MCAT: variants seen among roughly 807,000 people sequenced by gnomAD.
MCAT encodes the protein malonyl-CoA-acyl carrier protein transacylase, mitochondrial.
Under a neutral mutation model 22.9 loss-of-function variants are expected in MCAT, and 22 were observed. The observed-to-expected ratio is 0.96, with a 90% CI of 0.69 to 1.37. MCAT has a LOEUF of 1.37. Among genes scored for constraint, MCAT ranks in the 40% most tolerant of loss-of-function variants. The pLI is 0.00. For missense variants in MCAT, 534 were observed against 533.6 expected (o/e 1.00, Z -0.01); for synonymous variants, 240 against 233.9 (o/e 1.03, Z -0.24).
chr22:43,133,092 A>G lies in MCAT; in HGVS notation c.1124T>C (p.Leu375Pro), dbSNP rs371362281. ...AWKSYSAVDV[L>P]QTLEHVDLDP... ...CAGGTCCACATGTTCGAGGGTCTGC[A>G]GCACATCCACGGCGCTGTAGGACTT... Residue 375 changes from leucine (L) to proline (P), a missense_variant, in exon 4 of 4, where the codon CTG (leucine) becomes CCG (proline). Leu to Pro is a moderately conservative substitution (Grantham distance 98, BLOSUM62 -3). Coordinates refer to ENST00000290429, the MANE Select transcript of MCAT (RefSeq NM_173467.5). The G allele has an allele frequency of 7.4e-6, 12 of 1,614,066 alleles. No homozygotes were observed. In the African/African-American group the frequency reaches 8.0e-5, roughly 11 times the overall value.
Position 43,132,848 on chromosome 22 carries a change from G to A in MCAT, c.*195C>T. 1 of 590,766 alleles carries A rather than the reference G, an allele frequency of 1.7e-6. No homozygotes were observed. Among genetic ancestry groups the A allele is most frequent in the South Asian group, 2.1e-5 (1 of 47,294 alleles). The allele number at this position is 590,766 out of a possible 1,614,324, so 36.6% of individuals were successfully genotyped here. A position where few individuals can be genotyped will look rare whatever the true frequency, so the allele number is the denominator to read the frequency against. On this transcript the variant is annotated 3_prime_UTR_variant, in exon 4 of 4. Transcript: ENST00000290429. ...TCCCAACGTCCAAACGTTTTTCCAA[G>A]GGGGAGAAATGGACTGGGTCATGTA... is the stretch of plus-strand genomic sequence containing the variant.
chr22:43,133,013 A>G lies in MCAT; in HGVS notation c.*30T>C, dbSNP rs781480457. ...CTACAGCCTCTCCTCAGGAGGACAGAGGGGGTCATCGCATTTGAGCCCCCT... is the reference window on the plus strand; with the variant it reads ...CTACAGCCTCTCCTCAGGAGGACAGGGGGGGTCATCGCATTTGAGCCCCCT... On this transcript the variant is annotated 3_prime_UTR_variant, in exon 4 of 4. Coordinates refer to ENST00000290429, the MANE Select transcript of MCAT (RefSeq NM_173467.5). The G allele has an allele frequency of 2.1e-5, 33 of 1,598,986 alleles. No homozygotes were observed. Among genetic ancestry groups the G allele is most frequent in the Non-Finnish European group, 2.5e-5 (29 of 1,170,074 alleles).
rs1930631119 is a variant in MCAT, at chr22:43,137,004, T to TA, written c.729+76dup. 20 of 1,270,790 alleles carry TA rather than the reference T, an allele frequency of 1.6e-5. No individual in the cohort carries two copies. In the Admixed American group the frequency reaches 3.4e-4, roughly 22 times the overall value. 78.7% of individuals were successfully genotyped at this position (1,270,790 alleles called of 1,614,324 possible). On this transcript the variant is annotated intron_variant, in intron 3 of 3. Coordinates refer to ENST00000290429, the MANE Select transcript of MCAT (RefSeq NM_173467.5). Reference sequence around the variant, plus strand: ...CTGGACCCAGCACCCGCCAGACTGCTAGGCCTCACGGGTGTGGAGCAGTTC... The same window carrying TA: ...CTGGACCCAGCACCCGCCAGACTGCTAAGGCCTCACGGGTGTGGAGCAGTTC...
intron 3 of MCAT, among the ~76,000 whole-genome samples, chr22:43,134,686 C>T (rs1034492972): frequency 5.3e-5 from 8 of 152,156 alleles, no homozygotes; most frequent in African/African-American, 9.7e-5. Context: ...GGAGTGGGAC[C>T]GGTGCTTGTG....
At chr22:43,141,050 A>C (rs1425188423) in intron 2 of MCAT, 112 bp downstream of exon 2, 1 of 791,806 alleles carries the variant, frequency 1.3e-6, no homozygotes, top group Non-Finnish European at 2.2e-6. Flanking sequence ...ACCCCTGTCC[A>C]TGTGCTCCCT....
intron 2 of MCAT, among the ~76,000 whole-genome samples, chr22:43,139,580 CTTTT>C (rs55787888): frequency 7.0e-6 from 1 of 142,214 alleles, no homozygotes; most frequent in Non-Finnish European, 1.5e-5. Context: ...TAATTCTGCA[CTTTT>C]TTTTTTTTTT....
At chr22:43,139,346 C>T (rs151053442) in intron 2 of MCAT, among the ~76,000 whole-genome samples, 2 of 151,978 alleles carry the variant, frequency 1.3e-5, no homozygotes, top group South Asian at 2.1e-4. Flanking sequence ...GGCAACATAG[C>T]GAGACCCCAT....
In MCAT at chr22:43,133,424, C is replaced by A. The variant is rs150062783; in HGVS notation, c.792G>T (p.Pro264=). Residue 264 remains proline, a synonymous_variant, in exon 4 of 4, where the codon CCG becomes CCT. Coordinates refer to ENST00000290429, the MANE Select transcript of MCAT (RefSeq NM_173467.5). Reference sequence around the variant, plus strand: ...GGCGGGTGTGGAATGCGCCACTAACCGGCAACATCCTGGTGCGTCTGAAAT... The same window carrying A: ...GGCGGGTGTGGAATGCGCCACTAACAGGCAACATCCTGGTGCGTCTGAAAT... The part of the protein sequence containing the change: ...KFHFRRTRML[P]VSGAFHTRLM... 2.5e-6 allele frequency: 4 copies of A among 1,613,956 alleles called. No homozygotes were observed. The Admixed American group carries it at 6.7e-5, about 27-fold the overall frequency.
In MCAT at chr22:43,132,765, G is replaced by C; in HGVS notation, c.*278C>G. The C allele has an allele frequency of 2.2e-6, 1 of 457,062 alleles. No homozygotes were observed. Among genetic ancestry groups the C allele is most frequent in the Non-Finnish European group, 4.0e-6 (1 of 249,530 alleles). 28.3% of individuals were successfully genotyped at this position (457,062 alleles called of 1,614,324 possible). ...GCACACCTGCCTATGGTGCAGGGCTGGCAGAGGCGGGGCCAGGATTCTAGC... is the reference window on the plus strand; with the variant it reads ...GCACACCTGCCTATGGTGCAGGGCTCGCAGAGGCGGGGCCAGGATTCTAGC... On this transcript the variant is annotated 3_prime_UTR_variant, in exon 4 of 4. Coordinates refer to ENST00000290429, the MANE Select transcript of MCAT (RefSeq NM_173467.5).
intron 2 of MCAT, among the ~76,000 whole-genome samples, chr22:43,137,573 C>T (rs1296023322): frequency 6.6e-6 from 1 of 152,122 alleles, no homozygotes; most frequent in Non-Finnish European, 1.5e-5. Flanking sequence ...CTCAACAGGC[C>T]GGGGGCAGTG....
rs752686727 is a variant in MCAT, at chr22:43,142,909, G to T, written c.423+17C>A. Reference sequence around the variant, plus strand: ...GAGCTCACCTTCCCCCTCCTGTCACGGGGCCTCGGGCCTCACCGAGGGCTG... The same window carrying T: ...GAGCTCACCTTCCCCCTCCTGTCACTGGGCCTCGGGCCTCACCGAGGGCTG... On this transcript the variant is annotated intron_variant, in intron 1 of 3. Transcript: ENST00000290429. The T allele has an allele frequency of 6.6e-7, 1 of 1,506,480 alleles. No homozygotes were observed. Among genetic ancestry groups the T allele is most frequent in the Non-Finnish European group, 8.9e-7 (1 of 1,124,556 alleles). 93.3% of individuals were successfully genotyped at this position (1,506,480 alleles called of 1,614,324 possible).
At position 43,137,357 on chromosome 22, in the gene MCAT, A is replaced by G. The variant is rs1377826971; in HGVS notation, c.512-59T>C. On this transcript the variant is annotated intron_variant, in intron 2 of 3. Coordinates refer to ENST00000290429, the MANE Select transcript of MCAT (RefSeq NM_173467.5). ...GGCACAGAATGAAGGAGAAAAGGCC[A>G]GGCCTGAGAAACAAAGCCCAAGCTC... 4 of 1,413,626 alleles carry G rather than the reference A, an allele frequency of 2.8e-6. No individual in the cohort carries two copies. In the East Asian group the frequency reaches 9.4e-5, roughly 33 times the overall value. 87.6% of individuals were successfully genotyped at this position (1,413,626 alleles called of 1,614,324 possible).
At chr22:43,136,193 G>A (rs898909090) in intron 3 of MCAT, among the ~76,000 whole-genome samples, 5 of 152,182 alleles carry the variant, frequency 3.3e-5, no homozygotes, top group Non-Finnish European at 7.3e-5. Context: ...GCAGTGAGCC[G>A]TGATGGTGCC....
chr22:43,142,992 G>A lies in MCAT; in HGVS notation c.357C>T (p.His119=), dbSNP rs1204514968. ...GPQETLDRTV[H]CQPAIFVASL... The stretch of plus-strand genomic sequence containing the variant: ...ATGCCACGAAGATCGCGGGCTGACA[G>A]TGCACGGTGCGGTCCAGGGTCTCCT... The change falls in exon 1 of 4, where the codon CAC becomes CAT. Residue 119 remains histidine, a synonymous_variant. Coordinates refer to ENST00000290429, the MANE Select transcript of MCAT (RefSeq NM_173467.5). 12 of 1,605,160 alleles carry A rather than the reference G, an allele frequency of 7.5e-6. No individual in the cohort carries two copies. The highest frequency in any genetic ancestry group is 1.3e-5 in the African/African-American group (1 of 74,384).
chr22:43,134,241 C>G (rs1348554501), intron 3 of MCAT, among the ~76,000 whole-genome samples: 1 of 152,176 alleles, frequency 6.6e-6, no homozygotes, highest in Non-Finnish European at 1.5e-5. Context: ...GAGCTCTCCT[C>G]TTGATGCCAA....
intron 1 of MCAT, 21 bp downstream of exon 1, chr22:43,142,905 T>A (rs766989520): frequency 6.7e-7 from 1 of 1,498,998 alleles, no homozygotes; most frequent in Non-Finnish European, 8.9e-7. Flanking sequence ...CCCCCTCCTG[T>A]CACGGGGCCT....
chr22:43,133,633 C>T, intron 3 of MCAT, 147 bp from the exon 4 acceptor site: 1 of 619,872 alleles, frequency 1.6e-6, no homozygotes, highest in Non-Finnish European at 2.8e-6. Flanking sequence ...GTCCCAGCAC[C>T]ATCCCCAGGC....
chr22:43,135,843 A>T (rs933074004), intron 3 of MCAT, among the ~76,000 whole-genome samples: 1 of 152,140 alleles, frequency 6.6e-6, no homozygotes, highest in African/African-American at 2.4e-5. Context: ...AGTGGCGGAA[A>T]CAGACTCCAG....
chr22:43,140,629 G>A (rs1427369892), intron 2 of MCAT, among the ~76,000 whole-genome samples: 1 of 152,160 alleles, frequency 6.6e-6, no homozygotes, highest in Non-Finnish European at 1.5e-5. Flanking sequence ...CATTACAGGT[G>A]TGAATCACTG....
Sources: gnomAD v4.1 joint callset for allele counts (sites outside exome capture counted in the v4.1 genomes callset) on GRCh38, gnomAD v4.1.1 for gene constraint, MANE v1.5 for transcripts, NCBI Gene and HGNC (gene_info 2026-07-23, HGNC 2026-07-21) for gene names.